PROS1: variants seen among roughly 807,000 people sequenced by gnomAD.
PROS1 encodes protein S.
In PROS1, 29 loss-of-function variants were observed where a neutral mutation model predicts 75.9. That is an observed-to-expected ratio of 0.38 (90% CI 0.28 to 0.52). PROS1 has a LOEUF of 0.52. Among genes scored for constraint, PROS1 ranks in the 20% least tolerant of loss-of-function variants. PROS1 has a pLI of 0.83. For missense variants in PROS1, 680 were observed against 810.3 expected (o/e 0.84, Z 1.95); for synonymous variants, 245 against 280.6 (o/e 0.87, Z 1.27).
chr3:93,881,249 A>G (rs1170461814), intron 12 of PROS1, among the ~76,000 whole-genome samples: 1 of 152,008 alleles, frequency 6.6e-6, no homozygotes, highest in Non-Finnish European at 1.5e-5. Flanking sequence ...TTGAGCCCAG[A>G]AGGTCTAGGT....
chr3:93,945,176 T>C (rs568624051), intron 1 of PROS1, among the ~76,000 whole-genome samples: 112 of 151,822 alleles, frequency 7.4e-4, no homozygotes, highest in African/African-American at 2.7e-3. Flanking sequence ...AGCCTACCAA[T>C]AAAAAAAAGT....
chr3:93,887,937 A>G (rs1708374668), intron 10 of PROS1, among the ~76,000 whole-genome samples: 1 of 152,252 alleles, frequency 6.6e-6, no homozygotes, highest in Non-Finnish European at 1.5e-5. Flanking sequence ...GACAATCTGC[A>G]TTATGTACAT....
chr3:93,917,472 G>A (rs566640945), intron 3 of PROS1, among the ~76,000 whole-genome samples: 4 of 152,268 alleles, frequency 2.6e-5, no homozygotes, highest in African/African-American at 4.8e-5. Context: ...TGCAGCCCTC[G>A]CTGCTCTGGG....
intron 1 of PROS1, among the ~76,000 whole-genome samples, chr3:93,968,513 T>G (rs1440279663): frequency 6.6e-6 from 1 of 152,182 alleles, no homozygotes; most frequent in Non-Finnish European, 1.5e-5. Flanking sequence ...CCACCTACTT[T>G]GTGGTACTTT....
chr3:93,925,401 A>G (rs1709001635), intron 2 of PROS1, among the ~76,000 whole-genome samples: 1 of 152,186 alleles, frequency 6.6e-6, no homozygotes, highest in Admixed American at 6.5e-5. Flanking sequence ...GGAATATATT[A>G]GAGATGTTGA....
At chr3:93,911,104 A>T (rs1708753210) in intron 3 of PROS1, 1 of 224,676 alleles carries the variant, frequency 4.5e-6, no homozygotes, top group Admixed American at 5.3e-5. Flanking sequence ...TTAAGTCAAT[A>T]GAATCAGTTC....
chr3:93,962,784 T>C (rs1373237870), intron 1 of PROS1, among the ~76,000 whole-genome samples: 2 of 152,208 alleles, frequency 1.3e-5, no homozygotes, highest in Admixed American at 1.3e-4. Flanking sequence ...AGTTTGGTCA[T>C]GTTGGAACAT....
intron 3 of PROS1, among the ~76,000 whole-genome samples, chr3:93,919,435 A>AT (rs1708911081): frequency 7.1e-6 from 1 of 141,332 alleles, no homozygotes; most frequent in East Asian, 2.0e-4. Context: ...TTTTTTTACC[A>AT]TTTTTCTATT....
At chr3:93,909,608 A>G (rs1019158693) in intron 4 of PROS1, among the ~76,000 whole-genome samples, 1 of 152,050 alleles carries the variant, frequency 6.6e-6, no homozygotes, top group African/African-American at 2.4e-5. Flanking sequence ...ATTTCTGCAC[A>G]TATCCACACC....
At chr3:93,908,031 C>G (rs994767114) in intron 4 of PROS1, among the ~76,000 whole-genome samples, 1 of 152,016 alleles carries the variant, frequency 6.6e-6, no homozygotes, top group African/African-American at 2.4e-5. Flanking sequence ...GCCTGTAGTC[C>G]CAGCTACTCA....
At chr3:93,952,339 C>A (rs62266147) in intron 1 of PROS1, among the ~76,000 whole-genome samples, 27,839 of 152,064 alleles carry the variant, frequency 0.18, 3,147 homozygotes, top group Non-Finnish European at 0.25. Flanking sequence ...AAAAGCACTC[C>A]TCAGCAAATC....
At chr3:93,892,479 C>A (rs1708444610) in intron 10 of PROS1, among the ~76,000 whole-genome samples, 1 of 151,866 alleles carries the variant, frequency 6.6e-6, no homozygotes, top group African/African-American at 2.4e-5. Context: ...ACAAAATTAG[C>A]CGGGCATGGT....
At chr3:93,933,462 C>G (rs1709135881) in intron 1 of PROS1, among the ~76,000 whole-genome samples, 2 of 151,732 alleles carry the variant, frequency 1.3e-5, no homozygotes, top group Non-Finnish European at 2.9e-5. Flanking sequence ...GGAATCCCAG[C>G]TACTTGAGAG....
chr3:93,925,513 T>A (rs1709003008), intron 2 of PROS1, among the ~76,000 whole-genome samples: 1 of 151,002 alleles, frequency 6.6e-6, no homozygotes. Flanking sequence ...CCTGTAATCA[T>A]GAGAATTGTA....
intron 1 of PROS1, among the ~76,000 whole-genome samples, chr3:93,930,908 T>C (rs1709096387): frequency 6.6e-6 from 1 of 152,182 alleles, no homozygotes; most frequent in Non-Finnish European, 1.5e-5. Flanking sequence ...AATCAGGAAG[T>C]TTTATTGTCT....
intron 1 of PROS1, among the ~76,000 whole-genome samples, chr3:93,960,613 G>A (rs563526417): frequency 1.1e-3 from 132 of 122,574 alleles, no homozygotes; most frequent in African/African-American, 4.1e-3. Flanking sequence ...AAAGATGAAA[G>A]AGATTTATGC....
At chr3:93,927,828 C>A (rs1171142559) in intron 1 of PROS1, among the ~76,000 whole-genome samples, 25 of 141,126 alleles carry the variant, frequency 1.8e-4, no homozygotes, top group Middle Eastern at 3.6e-3. Context: ...AATAGTGAGA[C>A]CCCATTTCTA....
intron 1 of PROS1, among the ~76,000 whole-genome samples, chr3:93,933,724 G>C (rs986566655): frequency 6.6e-6 from 1 of 152,174 alleles, no homozygotes; most frequent in African/African-American, 2.4e-5. Flanking sequence ...AGCAGTTCGA[G>C]ACTAGCCTGG....
intron 10 of PROS1, among the ~76,000 whole-genome samples, chr3:93,889,839 G>A (rs1239042814): frequency 6.6e-6 from 1 of 152,092 alleles, no homozygotes; most frequent in East Asian, 1.9e-4. Context: ...TAAAACATGT[G>A]TGTTTAACAA....
Sources: allele counts gnomAD v4.1 joint callset (sites outside exome capture counted in the v4.1 genomes callset), GRCh38; gene constraint gnomAD v4.1.1; transcripts MANE v1.5; gene names NCBI Gene and HGNC (gene_info 2026-07-23, HGNC 2026-07-21).